The following RBPJ variants were observed in gnomAD, a reference collection of about 807,000 sequenced individuals.
RBPJ encodes recombining binding protein suppressor of hairless.
In RBPJ, 9 loss-of-function variants were observed where a neutral mutation model predicts 67.8. That is an observed-to-expected ratio of 0.13 (90% CI 0.08 to 0.23). The LOEUF (loss-of-function observed/expected upper bound fraction) is 0.23. Ranked by LOEUF, RBPJ falls within the 10% of genes least tolerant of loss-of-function variation. The probability of loss-of-function intolerance (pLI) is 1.00; values close to 1 mark genes in which losing one functional copy is unlikely to be tolerated. For missense variants in RBPJ, 305 were observed against 595.6 expected (o/e 0.51, Z 5.08); for synonymous variants, 198 against 203.3 (o/e 0.97, Z 0.22).
At chr4:26,394,276 C>T (rs1357090471) in intron 2 of RBPJ, among the ~76,000 whole-genome samples, 1 of 152,108 alleles carries the variant, frequency 6.6e-6, no homozygotes, top group Non-Finnish European at 1.5e-5. Flanking sequence ...ATCCGCCCTC[C>T]TTGGCCTCCC....
Position 26,395,629 on chromosome 4 carries a change from C to T in RBPJ, c.59+9238C>T, listed in dbSNP as rs376488689. ...TCCCTCTCTTCCTTCCTTTGTTGCC[C>T]TGTGATCTCTGCCTGCTAGCTCCCC... On this transcript the variant is annotated intron_variant, in intron 2 of 10. Coordinates refer to ENST00000355476, the MANE Select transcript of RBPJ (RefSeq NM_015874.6). Among the ~76,000 whole-genome samples, 255 of 152,206 alleles carry T rather than the reference C, an allele frequency of 1.7e-3. 2 individuals carry two copies. The highest frequency in any genetic ancestry group is 5.9e-3 in the African/African-American group (247 of 41,514).
intron 1 of RBPJ, among the ~76,000 whole-genome samples, chr4:26,280,454 C>T (rs1351748802): frequency 4.7e-5 from 7 of 150,028 alleles, no homozygotes; most frequent in Admixed American, 1.3e-4. Flanking sequence ...GACAATGGTG[C>T]TTGTTCCAGC....
intron 1 of RBPJ, among the ~76,000 whole-genome samples, chr4:26,267,784 T>G (rs1434986201): frequency 6.6e-6 from 1 of 151,862 alleles, no homozygotes; most frequent in Non-Finnish European, 1.5e-5. Flanking sequence ...ATTTTTGTAT[T>G]TGTAGTAGAG....
chr4:26,222,884 G>T (rs1718959629), intron 1 of RBPJ, among the ~76,000 whole-genome samples: 1 of 151,902 alleles, frequency 6.6e-6, no homozygotes. Context: ...GGCCAGGCGT[G>T]GTGGCTCAAG....
chr4:26,435,066 T>C (rs776728249), downstream of RBPJ: 10 of 152,206 alleles, frequency 6.6e-5, no homozygotes, highest in Non-Finnish European at 1.3e-4. Flanking sequence ...GCTCTACTAA[T>C]TTAATTTCCT....
chr4:26,289,689 C>T (rs1011968927), intron 1 of RBPJ, among the ~76,000 whole-genome samples: 1 of 150,634 alleles, frequency 6.6e-6, no homozygotes, highest in African/African-American at 2.4e-5. Flanking sequence ...CTCATATTAA[C>T]CCTGAATGTA....
intron 1 of RBPJ, among the ~76,000 whole-genome samples, chr4:26,343,581 G>A (rs182373675): frequency 5.8e-4 from 87 of 151,094 alleles, no homozygotes; most frequent in Non-Finnish European, 9.6e-4. Flanking sequence ...AGAATCTCGC[G>A]CTGTTGCCTA....
intron 1 of RBPJ, chr4:26,343,024 T>G (rs1276083525): frequency 6.6e-6 from 1 of 152,210 alleles, no homozygotes; most frequent in South Asian, 2.1e-4. Flanking sequence ...TTTGTTGTTA[T>G]TCTAAGACAG....
In RBPJ at chr4:26,336,899, A is replaced by G. The variant is rs536157330; in HGVS notation, c.20+15851A>G. ...TTTACCACCTCCCTAAATTATAAAT[A>G]TATTGTAAAAAAGCCTAAATGGTAG... On this transcript the variant is annotated intron_variant, in intron 1 of 10. Transcript: ENST00000355476. Among the ~76,000 whole-genome samples, 6 of 152,270 alleles carry G rather than the reference A, an allele frequency of 3.9e-5. 1 individual carries two copies. Among genetic ancestry groups the G allele is most frequent in the African/African-American group, 9.6e-5 (4 of 41,562 alleles).
At chr4:26,315,144 C>CAAAAAA (rs60940172), upstream of RBPJ, among the ~76,000 whole-genome samples, 7 of 10,346 alleles carry the variant, frequency 6.8e-4, no homozygotes, top group East Asian at 9.3e-3. Context: ...GTCTCTGTCT[C>CAAAAAA]AAAAAAAAAA....
intron 1 of RBPJ, among the ~76,000 whole-genome samples, chr4:26,172,536 G>A (rs181098429): frequency 4.8e-4 from 73 of 152,192 alleles, no homozygotes; most frequent in South Asian, 3.7e-3. Flanking sequence ...TCAATGTAGC[G>A]TTCTTTCCTC....
At chr4:26,406,541 C>T (rs1733429777) in intron 3 of RBPJ, among the ~76,000 whole-genome samples, 1 of 152,118 alleles carries the variant, frequency 6.6e-6, no homozygotes, top group South Asian at 2.1e-4. Flanking sequence ...AAAGGGTGCC[C>T]CTCGCAGATG....
upstream of RBPJ, among the ~76,000 whole-genome samples, chr4:26,160,264 C>G (rs1716052578): frequency 6.6e-6 from 1 of 152,206 alleles, no homozygotes; most frequent in African/African-American, 2.4e-5. Context: ...ACACACATCA[C>G]CTGCAATTCA....
intron 1 of RBPJ, among the ~76,000 whole-genome samples, chr4:26,355,693 A>G (rs1016220131): frequency 1.3e-5 from 2 of 152,152 alleles, no homozygotes; most frequent in African/African-American, 4.8e-5. Flanking sequence ...TCATTAACAG[A>G]TAAGAACTTT....
intron 2 of RBPJ, among the ~76,000 whole-genome samples, chr4:26,403,345 A>G (rs1733051997): frequency 6.6e-6 from 1 of 152,012 alleles, no homozygotes; most frequent in Non-Finnish European, 1.5e-5. Context: ...ATATAACAAT[A>G]CTTCCCCTAA....
At chr4:26,272,562 C>T (rs1209305434) in intron 1 of RBPJ, 1 of 388,064 alleles carries the variant, frequency 2.6e-6, no homozygotes, top group East Asian at 7.3e-5. Flanking sequence ...CAGAGCAAGA[C>T]CCTGTCTATC....
the RBPJ span, among the ~76,000 whole-genome samples, chr4:26,130,771 G>A: frequency 5.1e-4 from 78 of 152,294 alleles, no homozygotes; most frequent in Non-Finnish European, 7.1e-4. Flanking sequence ...CTCATCACCT[G>A]AAAATGTACA....
intron 1 of RBPJ, among the ~76,000 whole-genome samples, chr4:26,365,457 C>T (rs1178035099): frequency 6.6e-6 from 1 of 151,930 alleles, no homozygotes. Flanking sequence ...ATGAGTGGGT[C>T]AAGAAATAAA....
chr4:26,307,145 C>T (rs1398330549), intron 1 of RBPJ, among the ~76,000 whole-genome samples: 1 of 152,188 alleles, frequency 6.6e-6, no homozygotes, highest in African/African-American at 2.4e-5. Context: ...CGAGGCACAT[C>T]TGTAAAAACA....
Sources: allele counts gnomAD v4.1 joint callset (sites outside exome capture counted in the v4.1 genomes callset), GRCh38; gene constraint gnomAD v4.1.1; transcripts MANE v1.5; gene names NCBI Gene and HGNC (gene_info 2026-07-23, HGNC 2026-07-21).